The following ECSIT variants were observed in gnomAD, a reference collection of about 807,000 sequenced individuals.
The protein encoded by ECSIT is ECSIT signaling integrator.
ECSIT carries 29 observed loss-of-function variants against 36.8 expected under a neutral mutation model. The ratio of observed to expected loss-of-function variants is 0.79; its 90% CI spans 0.59 to 1.08. The LOEUF is 1.08. Among genes scored for constraint, ECSIT ranks in the 50% least tolerant of loss-of-function variants. ECSIT has a pLI of 0.00. For missense variants in ECSIT, 542 were observed against 581.0 expected (o/e 0.93, Z 0.69); for synonymous variants, 231 against 234.8 (o/e 0.98, Z 0.15).
intron 3 of ECSIT, 145 bp from the exon 4 acceptor site, chr19:11,513,424 C>T: frequency 1.2e-6 from 1 of 823,688 alleles, no homozygotes; most frequent in Middle Eastern, 2.7e-4. Flanking sequence ...AAGGCTCATG[C>T]CTGTAATCCC....
Position 11,513,171 on chromosome 19 carries a change from A to G in ECSIT, c.623T>C (p.Met208Thr). The change falls in exon 4 of 8, where the codon ATG becomes ACG. Residue 208 changes from methionine (M) to threonine (T), a missense_variant. Met to Thr is a moderately conservative substitution (Grantham distance 81). Transcript: ENST00000270517. ...VRLKLWFPRFMNVNPFPVPRD... is the reference protein window; with the variant it reads ...VRLKLWFPRFTNVNPFPVPRD... ...GGGCACTGGGAAGGGGTTGACGTTC[A>G]TGAATCGAGGGAACCACAGCTTCAG... The G allele has an allele frequency of 3.7e-6, 6 of 1,614,188 alleles. No individual in the cohort carries two copies. Among genetic ancestry groups the G allele is most frequent in the Non-Finnish European group, 5.1e-6 (6 of 1,180,040 alleles).
chr19:11,522,705 T>A (rs1405439357), intron 1 of ECSIT, among the ~76,000 whole-genome samples: 1 of 144,810 alleles, frequency 6.9e-6, no homozygotes, highest in African/African-American at 2.6e-5. Context: ...CGAGTGAGAC[T>A]CTGTCTCAAA....
chr19:11,512,870 G>A (rs1971899460), intron 4 of ECSIT, among the ~76,000 whole-genome samples, 186 bp downstream of exon 4: 1 of 152,138 alleles, frequency 6.6e-6, no homozygotes, highest in South Asian at 2.1e-4. Context: ...TTGAGCCTGG[G>A]AGGCAGAGGC....
intron 1 of ECSIT, chr19:11,523,837 T>C (rs1599591054): frequency 3.4e-6 from 2 of 581,318 alleles, no homozygotes; most frequent in East Asian, 7.9e-5. Flanking sequence ...AATGAAGACA[T>C]AAATCTTTGG....
chr19:11,513,152 T>TG lies in ECSIT; in HGVS notation c.641dup (p.Val215SerfsTer23). ...GGTCCTGGGGCAGGTCCCGGGGCAC[T>TG]GGGAAGGGGTTGACGTTCATGAATC... On this transcript the variant is annotated frameshift_variant, in exon 4 of 8. Coordinates refer to ENST00000270517, the MANE Select transcript of ECSIT (RefSeq NM_016581.5). LOFTEE classifies it high-confidence loss of function. 6.2e-7 allele frequency: 1 copy of TG among 1,614,124 alleles called. No individual in the cohort carries two copies. The highest frequency in any genetic ancestry group is 8.5e-7 in the Non-Finnish European group (1 of 1,180,012).
intron 3 of ECSIT, among the ~76,000 whole-genome samples, chr19:11,513,572 AGAG>A (rs1344677667): frequency 4.4e-5 from 5 of 112,750 alleles, no homozygotes; most frequent in East Asian, 3.2e-4. Flanking sequence ...GGCAGGGAGG[AGAG>A]GAGAAGAGAG....
intron 1 of ECSIT, among the ~76,000 whole-genome samples, chr19:11,527,754 C>G (rs565744435): frequency 4.6e-5 from 7 of 152,030 alleles, no homozygotes; most frequent in Non-Finnish European, 1.0e-4. Flanking sequence ...CTTTGGAAGT[C>G]CAAGTGGGGA....
chr19:11,525,272 G>T (rs1169708395), intron 1 of ECSIT, among the ~76,000 whole-genome samples: 3 of 152,174 alleles, frequency 2.0e-5, no homozygotes, highest in African/African-American at 7.2e-5. Context: ...ACTTTGGGAG[G>T]CCATGGTGGG....
At position 11,506,354 on chromosome 19, in the gene ECSIT, C is replaced by A. The variant is rs767782643; in HGVS notation, c.1126G>T (p.Gly376Cys). 4 of 1,613,638 alleles carry A rather than the reference C, an allele frequency of 2.5e-6. No homozygotes were observed. The South Asian group carries it at 4.4e-5, about 18-fold the overall frequency. Residue 376 changes from glycine to cysteine, a missense_variant, in exon 8 of 8, where the codon GGC becomes TGC. Transcript: ENST00000270517. ...DQATMAKWIQ[G>C]LQETNPTLAQ... ...AGGGTTGGGTTGGTCTCCTGCAGGCCCTGGATCCACTTAGCCATCGTCGCC... is the reference window on the plus strand; with the variant it reads ...AGGGTTGGGTTGGTCTCCTGCAGGCACTGGATCCACTTAGCCATCGTCGCC...
chr19:11,522,359 A>C, intron 1 of ECSIT: 1 of 795,846 alleles, frequency 1.3e-6, no homozygotes, highest in African/African-American at 1.7e-5. Context: ...AAGATGGAGG[A>C]GATAGCAGCC....
Position 11,514,230 on chromosome 19 carries a change from G to A in ECSIT, c.97-9C>T, listed in dbSNP as rs1219379736. On this transcript the variant is annotated splice_polypyrimidine_tract_variant and intron_variant, in intron 2 of 7. Transcript: ENST00000270517. The stretch of plus-strand genomic sequence containing the variant: ...GGGAGCCGGCGAGGGACCTGGGGAG[G>A]GAGGAGAACTGCTGGAATCTGGCAC... 1.9e-6 allele frequency: 3 copies of A among 1,593,012 alleles called. No individual in the cohort carries two copies. The highest frequency in any genetic ancestry group is 2.6e-6 in the Non-Finnish European group (3 of 1,170,706).
At chr19:11,522,799 G>A (rs940851180) in intron 1 of ECSIT, among the ~76,000 whole-genome samples, 8 of 152,272 alleles carry the variant, frequency 5.3e-5, no homozygotes, top group Admixed American at 3.3e-4. Context: ...GGTCGGGCAC[G>A]GTGGCTCACG....
At chr19:11,508,090 C>T (rs1365717724) in intron 4 of ECSIT, 42 bp from the exon 5 acceptor site, 8 of 1,609,910 alleles carry the variant, frequency 5.0e-6, no homozygotes, top group Non-Finnish European at 6.8e-6. Flanking sequence ...ACCCCCAATC[C>T]CCTACAGAGG....
rs779687690 is a variant in ECSIT, at chr19:11,506,323, T to C, written c.1157A>G (p.Gln386Arg). The C allele has an allele frequency of 3.7e-6, 6 of 1,613,440 alleles. No homozygotes were observed. The South Asian group carries it at 6.6e-5, about 18-fold the overall frequency. ...GGCGAGGCGGAAGACCACGGGGATCTGGGCCAGGGTTGGGTTGGTCTCCTG... is the reference window on the plus strand; with the variant it reads ...GGCGAGGCGGAAGACCACGGGGATCCGGGCCAGGGTTGGGTTGGTCTCCTG... ...GLQETNPTLAQIPVVFRLAGS... is the reference protein window; with the variant it reads ...GLQETNPTLARIPVVFRLAGS... Residue 386 changes from glutamine (Q) to arginine (R), a missense_variant, in exon 8 of 8, where the codon CAG (glutamine) becomes CGG (arginine). By Grantham distance (43) the Gln-to-Arg change is conservative. Coordinates refer to ENST00000270517, the MANE Select transcript of ECSIT (RefSeq NM_016581.5).
chr19:11,513,363 G>A, intron 3 of ECSIT, 84 bp from the exon 4 acceptor site: 1 of 1,126,190 alleles, frequency 8.9e-7, no homozygotes, highest in Non-Finnish European at 1.3e-6. Context: ...AGTGAAGTGA[G>A]GGAATTGATC....
intron 1 of ECSIT, among the ~76,000 whole-genome samples, chr19:11,522,872 C>G (rs142035232): frequency 0.036 from 5,436 of 152,104 alleles, 131 homozygotes; most frequent in Admixed American, 0.069. Context: ...AGATCGAGAC[C>G]ATCCTGGTTA....
intron 1 of ECSIT, among the ~76,000 whole-genome samples, chr19:11,525,969 AT>A (rs202091907): frequency 0.018 from 2,599 of 143,566 alleles, 68 homozygotes; most frequent in East Asian, 0.056. Flanking sequence ...TGGAATCTGC[AT>A]TTTTTTTTTT....
intron 3 of ECSIT, 76 bp downstream of exon 3, chr19:11,513,728 G>T (rs941179135): frequency 1.3e-6 from 2 of 1,535,564 alleles, no homozygotes; most frequent in Non-Finnish European, 1.8e-6. Context: ...AGGAAGGAGG[G>T]GCTGAGACTC....
At chr19:11,525,742 C>CAAAAAA (rs61614904) in intron 1 of ECSIT, 5 of 122,018 alleles carry the variant, frequency 4.1e-5, no homozygotes, top group Admixed American at 8.7e-5. Context: ...TCTCTACTAA[C>CAAAAAA]AAAAAAAAAA....
Sources: gnomAD v4.1 joint callset for allele counts (sites outside exome capture counted in the v4.1 genomes callset) on GRCh38, gnomAD v4.1.1 for gene constraint, MANE v1.5 for transcripts, NCBI Gene and HGNC (gene_info 2026-07-23, HGNC 2026-07-21) for gene names.